The following FBXO4 variants were observed in gnomAD, a reference collection of about 807,000 sequenced individuals.
FBXO4 encodes F-box protein 4, also known as F-box only protein 4.
In FBXO4, 36 loss-of-function variants were observed where a neutral mutation model predicts 43.7. The ratio of observed to expected loss-of-function variants is 0.82; its 90% CI spans 0.63 to 1.09. The LOEUF (loss-of-function observed/expected upper bound fraction) is 1.09. FBXO4 is among the 50% of genes least tolerant of loss of function. The pLI, the probability that FBXO4 is intolerant of heterozygous loss-of-function variation, is 0.00. For missense variants in FBXO4, 435 were observed against 474.1 expected (o/e 0.92, Z 0.77); for synonymous variants, 180 against 165.6 (o/e 1.09, Z -0.67).
the FBXO4 span, among the ~76,000 whole-genome samples, chr5:41,986,233 T>A: frequency 2.0e-5 from 3 of 152,030 alleles, no homozygotes; most frequent in Non-Finnish European, 4.4e-5. Context: ...TCACTTAAAA[T>A]TTTTTTCTGG....
the FBXO4 span, among the ~76,000 whole-genome samples, chr5:42,023,264 C>T: frequency 1.2e-4 from 19 of 152,170 alleles, no homozygotes; most frequent in South Asian, 2.1e-3. Context: ...ACATCTCTAA[C>T]GTATTGCTTG....
chr5:41,975,713 T>C, the FBXO4 span, among the ~76,000 whole-genome samples: 1 of 152,224 alleles, frequency 6.6e-6, no homozygotes, highest in African/African-American at 2.4e-5. Context: ...ATCTTAACCA[T>C]TGTTAAGTAT....
chr5:42,031,415 C>G, the FBXO4 span, among the ~76,000 whole-genome samples: 1 of 139,390 alleles, frequency 7.2e-6, no homozygotes, highest in Non-Finnish European at 1.5e-5. Context: ...ACAATGAGAA[C>G]ACATGGACAC....
At chr5:42,034,311 G>A in the FBXO4 span, among the ~76,000 whole-genome samples, 16 of 152,200 alleles carry the variant, frequency 1.1e-4, no homozygotes, top group African/African-American at 3.9e-4. Context: ...CATTCTGTAG[G>A]CTGCCTGTTC....
At chr5:42,039,578 G>A in the FBXO4 span, among the ~76,000 whole-genome samples, 1 of 151,962 alleles carries the variant, frequency 6.6e-6, no homozygotes, top group Non-Finnish European at 1.5e-5. Context: ...TATAACCTCT[G>A]GTGACAGATG....
the FBXO4 span, among the ~76,000 whole-genome samples, chr5:41,988,674 T>C: frequency 6.6e-6 from 1 of 152,200 alleles, no homozygotes; most frequent in Non-Finnish European, 1.5e-5. Context: ...TGATTCTCTT[T>C]ATTCACCTGT....
the FBXO4 span, among the ~76,000 whole-genome samples, chr5:42,019,440 G>A: frequency 6.6e-6 from 1 of 152,162 alleles, no homozygotes; most frequent in Non-Finnish European, 1.5e-5. Context: ...TGTAATCCCA[G>A]CACTTTGGGA....
the FBXO4 span, among the ~76,000 whole-genome samples, chr5:41,962,403 T>G: frequency 6.6e-6 from 1 of 152,178 alleles, no homozygotes; most frequent in African/African-American, 2.4e-5. Flanking sequence ...GTGGGGGCCC[T>G]GAGTGCCTAG....
the FBXO4 span, among the ~76,000 whole-genome samples, chr5:42,009,367 G>A: frequency 6.8e-4 from 78 of 115,018 alleles, no homozygotes; most frequent in South Asian, 2.0e-3. Flanking sequence ...GAATTGGAGT[G>A]TGTGTGTATG....
the FBXO4 span, among the ~76,000 whole-genome samples, chr5:41,977,223 A>C: frequency 2.0e-5 from 3 of 152,194 alleles, no homozygotes; most frequent in Non-Finnish European, 4.4e-5. Context: ...AGATATGAGC[A>C]CTTGGCTCCC....
chr5:41,940,489 T>A (rs1282180931), intron 6 of FBXO4, among the ~76,000 whole-genome samples: 1 of 152,148 alleles, frequency 6.6e-6, no homozygotes, highest in Non-Finnish European at 1.5e-5. Flanking sequence ...CCCGGATTCC[T>A]GGCTTCAAGT....
chr5:42,034,145 G>A, the FBXO4 span, among the ~76,000 whole-genome samples: 1 of 151,224 alleles, frequency 6.6e-6, no homozygotes, highest in Admixed American at 6.6e-5. Flanking sequence ...CATGTTTGTT[G>A]GCTGCATAAA....
At chr5:41,976,070 G>A in the FBXO4 span, among the ~76,000 whole-genome samples, 2 of 152,128 alleles carry the variant, frequency 1.3e-5, no homozygotes, top group South Asian at 2.1e-4. Flanking sequence ...CTACCAGAAT[G>A]AGAACTCACT....
the FBXO4 span, among the ~76,000 whole-genome samples, chr5:41,986,307 A>G: frequency 6.6e-6 from 1 of 152,048 alleles, no homozygotes; most frequent in Admixed American, 6.6e-5. Context: ...AAAAAGATTT[A>G]CCATCTTTTT....
At chr5:41,951,815 GAA>G in the FBXO4 span, 1 of 214,760 alleles carries the variant, frequency 4.7e-6, no homozygotes, top group East Asian at 1.4e-4. Context: ...GTCAGCCCTG[GAA>G]TCAGTAACCA....
At chr5:42,017,135 G>A in the FBXO4 span, among the ~76,000 whole-genome samples, 1 of 151,830 alleles carries the variant, frequency 6.6e-6, no homozygotes, top group African/African-American at 2.4e-5. Flanking sequence ...TGAGGCAATC[G>A]ATTGAGAAGA....
intron 1 of FBXO4, 80 bp from the exon 2 acceptor site, chr5:41,926,933 A>T (rs1226687468): frequency 1.3e-6 from 1 of 757,476 alleles, no homozygotes; most frequent in Admixed American, 2.8e-5. Flanking sequence ...TTTGTTATTT[A>T]TTTGTTGATT....
chr5:41,933,152 C>T (rs550744216), intron 3 of FBXO4, among the ~76,000 whole-genome samples: 10 of 152,222 alleles, frequency 6.6e-5, no homozygotes, highest in African/African-American at 2.4e-4. Context: ...CCAACTCTGA[C>T]GAATTCTAAA....
chr5:41,981,399 A>G, the FBXO4 span, among the ~76,000 whole-genome samples: 1 of 151,654 alleles, frequency 6.6e-6, no homozygotes, highest in Non-Finnish European at 1.5e-5. Context: ...TTAAATGGTA[A>G]ATTAAAAAAA....
Sources: gnomAD v4.1 joint callset for allele counts (sites outside exome capture counted in the v4.1 genomes callset) on GRCh38, gnomAD v4.1.1 for gene constraint, MANE v1.5 for transcripts, NCBI Gene and HGNC (gene_info 2026-07-23, HGNC 2026-07-21) for gene names.